RANBP17: variants seen among roughly 807,000 people sequenced by gnomAD.
The protein encoded by RANBP17 is RAN binding protein 17.
Under a neutral mutation model 141.2 loss-of-function variants are expected in RANBP17, and 158 were observed. That is an observed-to-expected ratio of 1.12 (90% CI 0.98 to 1.28). The LOEUF (loss-of-function observed/expected upper bound fraction) is 1.28. RANBP17 is among the 50% of genes most tolerant of loss of function. The pLI, the probability that RANBP17 is intolerant of heterozygous loss-of-function variation, is 0.00. For synonymous variants in RANBP17, 430 were observed against 450.0 expected (o/e 0.96, Z 0.56); for missense variants, 1,438 against 1,290.7 (o/e 1.11, Z -1.75).
chr5:171,175,368 A>G (rs1760378462), intron 16 of RANBP17, among the ~76,000 whole-genome samples: 1 of 152,152 alleles, frequency 6.6e-6, no homozygotes, highest in Non-Finnish European at 1.5e-5. Flanking sequence ...TCCTTGAGGA[A>G]TTGCCACAGT....
chr5:171,146,863 A>G (rs1358041930), intron 14 of RANBP17, among the ~76,000 whole-genome samples: 1 of 152,222 alleles, frequency 6.6e-6, no homozygotes, highest in Non-Finnish European at 1.5e-5. Flanking sequence ...GTGAATGTAC[A>G]GTTGCTAGAG....
At position 171,028,958 on chromosome 5, in the gene RANBP17, A is replaced by G. The variant is rs977761575; in HGVS notation, c.1710+60581A>G. 2.7e-5 allele frequency: 35 copies of G among 1,287,326 alleles called. No individual in the cohort carries two copies. The Admixed American group carries it at 7.8e-4, about 29-fold the overall frequency. 79.7% of individuals were successfully genotyped at this position (1,287,326 alleles called of 1,614,324 possible). ...CTTGAGAACGATCTGATTCATCATC[A>G]TCTGAACCAGGGATCACAGTCTAAG... is the stretch of plus-strand genomic sequence containing the variant. On this transcript the variant is annotated intron_variant, in intron 14 of 27. Transcript: ENST00000523189.
In RANBP17 at chr5:170,881,810, C is replaced by A. The variant is rs543160730; in HGVS notation, c.170C>A (p.Ser57Tyr). 51 of 1,590,622 alleles carry A rather than the reference C, an allele frequency of 3.2e-5. No individual in the cohort carries two copies. The South Asian group carries it at 5.8e-4, about 18-fold the overall frequency. Residue 57 changes from serine (S) to tyrosine (Y), a missense_variant, in exon 3 of 28, where the codon TCC becomes TAC. By Grantham distance (144) the Ser-to-Tyr change is moderately radical. Coordinates refer to ENST00000523189, the MANE Select transcript of RANBP17 (RefSeq NM_022897.5). ...CQLLLEQGTT[S>Y]YAQLLAATCL... ...AAATAAAATTATTCTTTACAGACAT[C>A]CTATGCTCAGCTCCTTGCAGCAACA...
intron 24 of RANBP17, among the ~76,000 whole-genome samples, chr5:171,260,660 AT>A (rs1766249574): frequency 6.6e-6 from 1 of 152,148 alleles, no homozygotes; most frequent in African/African-American, 2.4e-5. Context: ...TAAGTATCAT[AT>A]ATTGATCAGA....
intron 14 of RANBP17, among the ~76,000 whole-genome samples, chr5:171,053,255 A>T (rs1162834388): frequency 6.6e-6 from 1 of 151,850 alleles, no homozygotes; most frequent in Non-Finnish European, 1.5e-5. Context: ...GATTCGTTAC[A>T]TGGGTAAATT....
chr5:171,154,390 C>T (rs1379739302), intron 14 of RANBP17, among the ~76,000 whole-genome samples: 2 of 152,094 alleles, frequency 1.3e-5, no homozygotes, highest in African/African-American at 4.8e-5. Flanking sequence ...CATTCTCCTG[C>T]GTCAGCCTCC....
At chr5:170,916,764 G>A (rs980286083) in intron 9 of RANBP17, among the ~76,000 whole-genome samples, 180 bp downstream of exon 9, 8 of 149,664 alleles carry the variant, frequency 5.3e-5, no homozygotes, top group Non-Finnish European at 8.9e-5. Context: ...TGCCCAGGCT[G>A]GAGTGCAGTG....
At chr5:171,161,212 C>A (rs555449781) in intron 14 of RANBP17, among the ~76,000 whole-genome samples, 1 of 152,294 alleles carries the variant, frequency 6.6e-6, no homozygotes, top group African/African-American at 2.4e-5. Context: ...ATTCATATAA[C>A]CACATCCAGA....
chr5:171,277,637 G>GTGTGTGTATATATA (rs1437482589), intron 25 of RANBP17, among the ~76,000 whole-genome samples: 2 of 56,904 alleles, frequency 3.5e-5, no homozygotes, highest in African/African-American at 5.8e-5. Context: ...ATATATGTAT[G>GTGTGTGTATATATA]TATATATATA....
At chr5:171,263,881 GC>G (rs1275476503) in intron 24 of RANBP17, among the ~76,000 whole-genome samples, 1 of 152,032 alleles carries the variant, frequency 6.6e-6, no homozygotes, top group Non-Finnish European at 1.5e-5. Context: ...TGAGCAACAT[GC>G]AAAACCCTGT....
At chr5:170,922,693 G>A (rs1168128225) in intron 11 of RANBP17, among the ~76,000 whole-genome samples, 4 of 152,214 alleles carry the variant, frequency 2.6e-5, no homozygotes, top group Non-Finnish European at 5.9e-5. Flanking sequence ...CATTTGGTCA[G>A]AAGTGTACTG....
chr5:171,141,874 A>T (rs1359450028), intron 14 of RANBP17, among the ~76,000 whole-genome samples: 1 of 152,140 alleles, frequency 6.6e-6, no homozygotes, highest in African/African-American at 2.4e-5. Context: ...TGTAGCACAG[A>T]ATACCTGGCA....
chr5:171,038,193 T>TGTGC (rs1328662909), intron 14 of RANBP17, among the ~76,000 whole-genome samples: 1 of 149,586 alleles, frequency 6.7e-6, no homozygotes, highest in Non-Finnish European at 1.5e-5. Context: ...TGTGTGTGTG[T>TGTGC]GTGCACGTGC....
At chr5:170,875,400 C>T (rs1281524099) in intron 1 of RANBP17, among the ~76,000 whole-genome samples, 1 of 152,162 alleles carries the variant, frequency 6.6e-6, no homozygotes, top group Non-Finnish European at 1.5e-5. Flanking sequence ...GGATGATATC[C>T]TGAAGTGTGT....
chr5:170,980,892 T>C (rs1303113527), intron 14 of RANBP17, among the ~76,000 whole-genome samples: 3 of 152,152 alleles, frequency 2.0e-5, no homozygotes, highest in African/African-American at 7.2e-5. Flanking sequence ...CAGCTTGCAC[T>C]GTTCACCTGG....
At chr5:170,890,900 C>T (rs1338928925) in intron 3 of RANBP17, among the ~76,000 whole-genome samples, 1 of 152,142 alleles carries the variant, frequency 6.6e-6, no homozygotes, top group East Asian at 1.9e-4. Context: ...GACGGGATCT[C>T]ACTCTGTCAC....
In RANBP17 at chr5:171,209,264, A is replaced by G. The variant is rs1762742887; in HGVS notation, c.2231+3652A>G. Among the ~76,000 whole-genome samples the G allele has an allele frequency of 2.0e-5, 3 of 152,164 alleles. No homozygotes were observed. The South Asian group carries it at 6.2e-4, about 32-fold the overall frequency. On this transcript the variant is annotated intron_variant, in intron 20 of 27. Transcript: ENST00000523189. ...GAGTCAGTAGTGAAGATGTTTTGTT[A>G]CATATACCACTCATTTCATGGTTGG...
intron 20 of RANBP17, among the ~76,000 whole-genome samples, chr5:171,212,675 A>C (rs1243056094): frequency 6.6e-6 from 1 of 152,226 alleles, no homozygotes; most frequent in African/African-American, 2.4e-5. Flanking sequence ...AACACCATTA[A>C]GTGATTTAGT....
intron 24 of RANBP17, chr5:171,252,903 T>C (rs984440945): frequency 4.2e-6 from 6 of 1,433,980 alleles, no homozygotes; most frequent in Non-Finnish European, 5.9e-6. Context: ...ATGCACAAGC[T>C]ATTGAAGAAG....
Sources: allele counts gnomAD v4.1 joint callset (sites outside exome capture counted in the v4.1 genomes callset), GRCh38; gene constraint gnomAD v4.1.1; transcripts MANE v1.5; gene names NCBI Gene and HGNC (gene_info 2026-07-23, HGNC 2026-07-21).